The following ZCCHC2 variants were observed in gnomAD, a reference collection of about 807,000 sequenced individuals.
ZCCHC2 encodes zinc finger CCHC-type containing 2, also known as zinc finger CCHC domain-containing protein 2.
Under a neutral mutation model 103.6 loss-of-function variants are expected in ZCCHC2, and 39 were observed. That is an observed-to-expected ratio of 0.38 (90% CI 0.29 to 0.49). The LOEUF (loss-of-function observed/expected upper bound fraction) is 0.49. Among genes scored for constraint, ZCCHC2 ranks in the 20% least tolerant of loss-of-function variants. ZCCHC2 has a pLI of 0.96. For synonymous variants in ZCCHC2, 687 were observed against 608.9 expected (o/e 1.13, Z -1.89); for missense variants, 1,483 against 1,491.0 (o/e 0.99, Z 0.09).
intron 1 of ZCCHC2, among the ~76,000 whole-genome samples, chr18:62,535,794 A>G (rs970657631): frequency 2.0e-5 from 3 of 152,214 alleles, no homozygotes; most frequent in Admixed American, 6.5e-5. Flanking sequence ...ATATTAAATA[A>G]TTTTTAGCTA....
chr18:62,552,605 T>TAAA (rs988678105), intron 5 of ZCCHC2: 3 of 152,076 alleles, frequency 2.0e-5, no homozygotes, highest in African/African-American at 7.2e-5. Flanking sequence ...GGACCCCAAT[T>TAAA]AAAAAGTAAG....
rs1189388168 is a variant in ZCCHC2 at position 62,576,860 on chromosome 18, T to C, written c.*281T>C. 3 of 267,792 alleles carry C rather than the reference T, an allele frequency of 1.1e-5. No individual in the cohort carries two copies. The highest frequency in any genetic ancestry group is 1.1e-4 in the South Asian group (2 of 18,138). 16.6% of individuals were successfully genotyped at this position (267,792 alleles called of 1,614,324 possible). A position where few individuals can be genotyped will look rare whatever the true frequency, so the allele number is the denominator to read the frequency against. On this transcript the variant is annotated 3_prime_UTR_variant, in exon 14 of 14. Transcript: ENST00000269499. ...TGGTGCGTGCTTTTTTTTTTTTTTT[T>C]ACACTGAATACTTGCTGTGTGCAAT... is the stretch of plus-strand genomic sequence containing the variant.
intron 1 of ZCCHC2, among the ~76,000 whole-genome samples, chr18:62,533,579 T>G (rs1914788262): frequency 6.8e-6 from 1 of 146,760 alleles, no homozygotes; most frequent in Admixed American, 6.9e-5. Context: ...AGATTAAGTA[T>G]ATCGAGGCTG....
Position 62,574,344 on chromosome 18 carries a change from C to G in ZCCHC2, c.2263C>G (p.Pro755Ala), listed in dbSNP as rs1448575706. 1 of 1,614,036 alleles carries G rather than the reference C, an allele frequency of 6.2e-7. No individual in the cohort carries two copies. The highest frequency in any genetic ancestry group is 1.1e-5 in the South Asian group (1 of 91,082). ...GKTIGMLVPS[P>A]VAISAIRESA... ...AACCATAGGGATGCTTGTTCCTAGT[C>G]CTGTTGCTATTTCTGCAATAAGGGA... is the stretch of plus-strand genomic sequence containing the variant. Residue 755 changes from proline to alanine, a missense_variant, in exon 13 of 14, where the codon CCT (proline) becomes GCT (alanine). Physicochemically the swap from Pro to Ala is conservative, Grantham distance 27. Coordinates refer to ENST00000269499, the MANE Select transcript of ZCCHC2 (RefSeq NM_017742.6).
Position 62,523,776 on chromosome 18 carries a change from C to T in ZCCHC2, c.352C>T (p.Leu118=), listed in dbSNP as rs1301385963. 4.6e-6 allele frequency: 7 copies of T among 1,537,952 alleles called. No homozygotes were observed. In the Admixed American group the frequency reaches 5.9e-5, roughly 13 times the overall value. ...SAQRLEFMCG[L]LDLCNPLELR... ...GCAGCGCCTGGAGTTCATGTGCGGG[C>T]TGCTGGACCTGTGCAACCCGCTGGA... The change falls in exon 1 of 14, where the codon CTG becomes TTG. Residue 118 remains leucine (L), a synonymous_variant. Transcript: ENST00000269499.
At chr18:62,558,011 A>T in intron 6 of ZCCHC2, among the ~76,000 whole-genome samples, 1 of 145,048 alleles carries the variant, frequency 6.9e-6, no homozygotes. Flanking sequence ...ATTTGCATAC[A>T]CTGTTGGGTT....
rs776769414 is a variant in ZCCHC2, at chr18:62,574,888, T to C, written c.2807T>C (p.Leu936Pro). 1 of 1,613,860 alleles carries C rather than the reference T, an allele frequency of 6.2e-7. No individual in the cohort carries two copies. The highest frequency in any genetic ancestry group is 1.7e-5 in the Admixed American group (1 of 60,028). Reference sequence around the variant, plus strand: ...TTACCCAGCCAGAACTCCAGTGTGCTCAGCACAGCAGCAACTTCTCCCCAG... The same window carrying C: ...TTACCCAGCCAGAACTCCAGTGTGCCCAGCACAGCAGCAACTTCTCCCCAG... ...GVLPSQNSSVLSTAATSPQPA... is the reference protein window; with the variant it reads ...GVLPSQNSSVPSTAATSPQPA... Residue 936 changes from leucine to proline, a missense_variant, in exon 13 of 14, where the codon CTC becomes CCC. Physicochemically the swap from Leu to Pro is moderately conservative, Grantham distance 98. Around this residue, in one of 3 missense-constraint regions of ZCCHC2, gnomAD observed 884 missense variants for 907.5 expected, o/e 0.97. Transcript: ENST00000269499.
chr18:62,541,564 C>T (rs934966973), intron 2 of ZCCHC2, among the ~76,000 whole-genome samples: 1 of 6,748 alleles, frequency 1.5e-4, no homozygotes, highest in East Asian at 0.5. Flanking sequence ...GTACCCCCCA[C>T]ACCCATTCTG....
intron 5 of ZCCHC2, among the ~76,000 whole-genome samples, chr18:62,553,481 A>G (rs796753691): frequency 6.6e-6 from 1 of 151,788 alleles, no homozygotes; most frequent in South Asian, 2.1e-4. Context: ...TTTTTGAGAC[A>G]GGACCTCGCT....
intron 1 of ZCCHC2, among the ~76,000 whole-genome samples, chr18:62,534,985 A>G (rs1914859558): frequency 6.6e-6 from 1 of 152,182 alleles, no homozygotes; most frequent in Non-Finnish European, 1.5e-5. Context: ...AGGTTCCAAG[A>G]ATGTTTTTGC....
chr18:62,584,162 A>G (rs936502368), intron 14 of ZCCHC2, among the ~76,000 whole-genome samples: 2 of 152,144 alleles, frequency 1.3e-5, no homozygotes, highest in Non-Finnish European at 2.9e-5. Flanking sequence ...GGTACACATC[A>G]CCTGAGTTCT....
chr18:62,546,213 C>G (rs1915400711), intron 4 of ZCCHC2, among the ~76,000 whole-genome samples: 1 of 152,178 alleles, frequency 6.6e-6, no homozygotes, highest in African/African-American at 2.4e-5. Flanking sequence ...GAGCTTCTGT[C>G]TGCTGTGCTC....
rs544475581 is a variant in ZCCHC2, at chr18:62,539,873, C to G, written c.1051+81C>G. 5 of 1,121,992 alleles carry G rather than the reference C, an allele frequency of 4.5e-6. No homozygotes were observed. The Admixed American group carries it at 8.6e-5, about 19-fold the overall frequency. 69.5% of individuals were successfully genotyped at this position (1,121,992 alleles called of 1,614,324 possible). ...GCTCTTTACGCTGATTAACTCTAAA[C>G]TTTTTACTCTCCTTTTTGAAGTGGA... On this transcript the variant is annotated intron_variant, in intron 2 of 13. Coordinates refer to ENST00000269499, the MANE Select transcript of ZCCHC2 (RefSeq NM_017742.6).
At chr18:62,531,039 C>A (rs950468244) in intron 1 of ZCCHC2, among the ~76,000 whole-genome samples, 1 of 151,508 alleles carries the variant, frequency 6.6e-6, no homozygotes, top group African/African-American at 2.4e-5. Flanking sequence ...ATATTTTTCT[C>A]TTGAGAAATG....
rs2145523686 is a variant in ZCCHC2 at position 62,564,611 on chromosome 18, AGAAAG to A, written c.1733_1737del (p.Gly578AlafsTer9). ...CGGAGTTTATCTTCAATAAATAAGA[AGAAAG>A]GAAAGCCACAAACAGAAAAGTAGGT... On this transcript the variant is annotated frameshift_variant, in exon 10 of 14. Coordinates refer to ENST00000269499, the MANE Select transcript of ZCCHC2 (RefSeq NM_017742.6). LOFTEE classifies it high-confidence loss of function. 6.5e-7 allele frequency: 1 copy of A among 1,545,674 alleles called. No homozygotes were observed. The highest frequency in any genetic ancestry group is 8.7e-7 in the Non-Finnish European group (1 of 1,144,106).
downstream of ZCCHC2, among the ~76,000 whole-genome samples, chr18:62,582,280 G>T (rs1049007913): frequency 3.3e-5 from 5 of 152,230 alleles, no homozygotes; most frequent in Admixed American, 6.5e-5. Flanking sequence ...GGTGTTGGCC[G>T]TGGGAAGGTC....
rs561793557 is a variant in ZCCHC2 at position 62,574,923 on chromosome 18, G to A, written c.2842G>A (p.Ala948Thr). The A allele has an allele frequency of 2.7e-5, 43 of 1,613,758 alleles. No homozygotes were observed. The highest frequency in any genetic ancestry group is 1.6e-4 in the Middle Eastern group (1 of 6,062). ...TAATSPQPAS[A>T]GISQAQATVP... is the part of the protein sequence containing the mutation. ...AGCAACTTCTCCCCAGCCAGCGAGC[G>A]CAGGTATCAGCCAGGCCCAGGCAAC... The change falls in exon 13 of 14, where the codon GCA becomes ACA. Residue 948 changes from alanine (A) to threonine (T), a missense_variant. This residue lies in a region of ZCCHC2 where 884 missense variants were observed against 907.5 expected (regional missense o/e 0.97). Coordinates refer to ENST00000269499, the MANE Select transcript of ZCCHC2 (RefSeq NM_017742.6).
chr18:62,571,966 T>G (rs1464941769), intron 12 of ZCCHC2, among the ~76,000 whole-genome samples: 1 of 152,260 alleles, frequency 6.6e-6, no homozygotes, highest in Non-Finnish European at 1.5e-5. Flanking sequence ...CCACCAATTC[T>G]TCTAATCTGA....
chr18:62,545,073 CGAAGGGA>C (rs1164159532), intron 4 of ZCCHC2, among the ~76,000 whole-genome samples, 200 bp downstream of exon 4: 6 of 151,956 alleles, frequency 3.9e-5, no homozygotes, highest in Middle Eastern at 3.2e-3. Flanking sequence ...AAGGAAATGA[CGAAGGGA>C]TTTCTACATT....
Sources: gnomAD v4.1 joint callset for allele counts (sites outside exome capture counted in the v4.1 genomes callset) on GRCh38, gnomAD v4.1.1 for gene constraint, gnomAD v4.1.1 regional missense constraint, MANE v1.5 for transcripts, NCBI Gene and HGNC (gene_info 2026-07-23, HGNC 2026-07-21) for gene names.